The following TCF20 variants were observed in gnomAD, a reference collection of about 807,000 sequenced individuals.
TCF20 encodes transcription factor 20, also known as SPRE-binding protein.
Under a neutral mutation model 148.6 loss-of-function variants are expected in TCF20, and 3 were observed. That is an observed-to-expected ratio of 0.02 (90% CI 0.01 to 0.05). The LOEUF (loss-of-function observed/expected upper bound fraction) is 0.05. TCF20 is among the 10% of genes least tolerant of loss of function. The pLI, the probability that TCF20 is intolerant of heterozygous loss-of-function variation, is 1.00. For missense variants in TCF20, 2,350 were observed against 2,429.3 expected, an observed-to-expected ratio of 0.97 and a Z score of 0.69; for synonymous variants, 1,049 against 909.5, an observed-to-expected ratio of 1.15 and a Z score of -2.76.
At position 42,323,936 on chromosome 22, in the gene TCF20, T is replaced by A. The variant is rs867651621; in HGVS notation, c.-37+19543A>T. Among the ~76,000 whole-genome samples, 29 of 94,550 alleles carry A rather than the reference T, an allele frequency of 3.1e-4. 1 individual carries two copies. Among genetic ancestry groups the A allele is most frequent in the Non-Finnish European group, 4.7e-4 (19 of 40,580 alleles). 62.0% of individuals were successfully genotyped at this position (94,550 alleles called of 152,430 possible). A position where few individuals can be genotyped will look rare whatever the true frequency, so the allele number is the denominator to read the frequency against. ...GTGGTGATGGAGGTTATGGTGGTGGTGGTGGTGATGGAGGTTATGGTGGTG... is the reference window on the plus strand; with the variant it reads ...GTGGTGATGGAGGTTATGGTGGTGGAGGTGGTGATGGAGGTTATGGTGGTG... On this transcript the variant is annotated intron_variant, in intron 1 of 1. Coordinates refer to the TCF20 transcript ENST00000515426.
chr22:42,306,970 C>T (rs1381785433), intron 1 of TCF20, among the ~76,000 whole-genome samples: 2 of 143,582 alleles, frequency 1.4e-5, no homozygotes, highest in Non-Finnish European at 3.0e-5. Context: ...CCCTGGGGAG[C>T]GGAGGTTGCA....
chr22:42,242,508 A>G (rs184258376), intron 1 of TCF20, among the ~76,000 whole-genome samples: 7 of 152,266 alleles, frequency 4.6e-5, no homozygotes, highest in Non-Finnish European at 7.4e-5. Context: ...ATCATAGGGT[A>G]TACTATATAG....
chr22:42,325,317 C>T (rs1298159095), intron 1 of TCF20, among the ~76,000 whole-genome samples: 1 of 152,252 alleles, frequency 6.6e-6, no homozygotes, highest in African/African-American at 2.4e-5. Context: ...CCCAGGCTGG[C>T]TCTGAGAGGC....
chr22:42,256,684 G>A (rs1439887927), intron 1 of TCF20, among the ~76,000 whole-genome samples: 2 of 152,290 alleles, frequency 1.3e-5, no homozygotes, highest in Non-Finnish European at 2.9e-5. Flanking sequence ...GTAGCATTAA[G>A]TTCAATGCAT....
In TCF20 at chr22:42,211,416, T is replaced by C. The variant is rs372185614; in HGVS notation, c.3890A>G (p.Asn1297Ser). ...ACTGTGAGAAAGATGGGCATAGGAA[T>C]TGAATGCTTTATCAGCGCCTTCTTT... is the stretch of plus-strand genomic sequence containing the variant. ...SSKEGADKAF[N>S]SYAHLSHSQD... Residue 1297 changes from asparagine to serine, a missense_variant, in exon 2 of 6, where the codon AAT (asparagine) becomes AGT (serine). Physicochemically the swap from Asn to Ser is conservative, Grantham distance 46. Transcript: ENST00000677622. The C allele has an allele frequency of 1.9e-5, 31 of 1,614,060 alleles. No homozygotes were observed. The highest frequency in any genetic ancestry group is 4.5e-5 in the East Asian group (2 of 44,896).
chr22:42,275,230 A>G (rs913125975), upstream of TCF20: 3 of 152,298 alleles, frequency 2.0e-5, no homozygotes, highest in African/African-American at 7.2e-5. Context: ...TCCAGCAGTC[A>G]TATATTAAGC....
intron 1 of TCF20, among the ~76,000 whole-genome samples, chr22:42,314,630 C>A (rs758394593): frequency 6.6e-6 from 1 of 152,226 alleles, no homozygotes; most frequent in Non-Finnish European, 1.5e-5. Flanking sequence ...GCAGGGAGCC[C>A]GCCTCTCCCA....
intron 1 of TCF20, among the ~76,000 whole-genome samples, chr22:42,252,114 T>G (rs1284484441): frequency 6.6e-6 from 1 of 150,828 alleles, no homozygotes; most frequent in Non-Finnish European, 1.5e-5. Flanking sequence ...TACCTGTATT[T>G]TTTTTTGTAA....
chr22:42,264,445 T>C (rs1039783219), intron 1 of TCF20, among the ~76,000 whole-genome samples: 4 of 152,208 alleles, frequency 2.6e-5, no homozygotes, highest in Non-Finnish European at 2.9e-5. Flanking sequence ...GTACCACTAA[T>C]GATCTCCCTT....
intron 1 of TCF20, among the ~76,000 whole-genome samples, chr22:42,323,953 A>G (rs961400876): frequency 9.4e-5 from 2 of 21,338 alleles, no homozygotes; most frequent in African/African-American, 2.0e-4. Flanking sequence ...GATGGAGGTT[A>G]TGGTGGTGGT....
intron 1 of TCF20, among the ~76,000 whole-genome samples, chr22:42,223,597 A>G (rs898163809): frequency 1.3e-5 from 2 of 152,080 alleles, no homozygotes; most frequent in African/African-American, 4.8e-5. Context: ...AACAAGCAAA[A>G]TATTCATGGT....
chr22:42,178,878 A>C (rs958984960), intron 3 of TCF20, among the ~76,000 whole-genome samples: 17 of 151,952 alleles, frequency 1.1e-4, no homozygotes, highest in Non-Finnish European at 2.1e-4. Flanking sequence ...AAACAACCCA[A>C]TTTTACAATG....
chr22:42,215,492 C>CTCTTGTCTCAAAAAACCA, intron 1 of TCF20, 151 bp from the exon 2 acceptor site: 1 of 1,032,422 alleles, frequency 9.7e-7, no homozygotes, highest in Non-Finnish European at 1.3e-6. Context: ...TTTTTTGAGA[C>CTCTTGTCTCAAAAAACCA]AAGAGTCTCA....
chr22:42,221,043 T>A (rs1922307635), intron 1 of TCF20, among the ~76,000 whole-genome samples: 1 of 152,144 alleles, frequency 6.6e-6, no homozygotes, highest in Non-Finnish European at 1.5e-5. Context: ...CCACCCTCCT[T>A]CCAAGCTCTC....
chr22:42,233,173 C>A (rs184783530), intron 1 of TCF20, among the ~76,000 whole-genome samples: 2 of 152,128 alleles, frequency 1.3e-5, no homozygotes, highest in African/African-American at 2.4e-5. Context: ...CCACCTGCCT[C>A]GGCCTCCCAA....
intron 2 of TCF20, among the ~76,000 whole-genome samples, chr22:42,200,527 G>C (rs1937930394): frequency 6.6e-6 from 1 of 151,590 alleles, no homozygotes; most frequent in Admixed American, 6.6e-5. Context: ...TGTAATCCCA[G>C]CTACTTGGGA....
At chr22:42,244,566 A>G (rs1924748685) in intron 1 of TCF20, among the ~76,000 whole-genome samples, 1 of 152,198 alleles carries the variant, frequency 6.6e-6, no homozygotes. Flanking sequence ...GATTCCATCT[A>G]ATGAAATATC....
chr22:42,310,557 G>C (rs1336019544), intron 1 of TCF20, among the ~76,000 whole-genome samples: 1 of 152,210 alleles, frequency 6.6e-6, no homozygotes, highest in Non-Finnish European at 1.5e-5. Flanking sequence ...AAGGCATGCA[G>C]AGAACTTTCC....
chr22:42,280,980 C>T (rs1051068317), intron 1 of TCF20, among the ~76,000 whole-genome samples: 4 of 152,164 alleles, frequency 2.6e-5, no homozygotes, highest in African/African-American at 7.2e-5. Context: ...AGTCTGGCCT[C>T]AGGACGTTGG....
Sources: gnomAD v4.1 joint callset for allele counts (sites outside exome capture counted in the v4.1 genomes callset) on GRCh38, gnomAD v4.1.1 for gene constraint, MANE v1.5 for transcripts, NCBI Gene and HGNC (gene_info 2026-07-23, HGNC 2026-07-21) for gene names.